The following UGT1A1 variants were observed in gnomAD, a reference collection of about 807,000 sequenced individuals.
UGT1A1 encodes the protein UDP-glucuronosyltransferase 1A1.
Under a neutral mutation model 40.6 loss-of-function variants are expected in UGT1A1, and 33 were observed. The observed-to-expected ratio is 0.81, with a 90% CI of 0.62 to 1.09. The LOEUF (loss-of-function observed/expected upper bound fraction) is 1.09, where lower values mean the gene tolerates loss of function less well. Ranked by LOEUF, UGT1A1 falls within the 50% of genes least tolerant of loss-of-function variation. The pLI, the probability that UGT1A1 is intolerant of heterozygous loss-of-function variation, is 0.00. For missense variants in UGT1A1, 694 were observed against 671.2 expected (o/e 1.03, Z -0.38); for synonymous variants, 249 against 265.0 (o/e 0.94, Z 0.59).
chr2:233,762,105 C>T (rs879435361), intron 1 of UGT1A1, among the ~76,000 whole-genome samples: 8 of 151,972 alleles, frequency 5.3e-5, no homozygotes, highest in Non-Finnish European at 1.0e-4. Flanking sequence ...GTTGATTGTC[C>T]GCTTCACATC....
rs72551343 is a variant in UGT1A1 at position 233,760,912 on chromosome 2, C to A, written c.625C>A (p.Arg209=). The A allele has an allele frequency of 6.2e-7, 1 of 1,614,188 alleles. No individual in the cohort carries two copies. The highest frequency in any genetic ancestry group is 1.1e-5 in the South Asian group (1 of 91,074). Residue 209 remains arginine, a synonymous_variant, in exon 1 of 5, where the codon CGG becomes AGG. Transcript: ENST00000305208. ...SHSDHMTFLQ[R]VKNMLIAFSQ... ...TTCAGATCACATGACCTTCCTGCAG[C>A]GGGTGAAGAACATGCTCATTGCCTT...
At chr2:233,767,542 T>C (rs1158948915) in intron 2 of UGT1A1, among the ~76,000 whole-genome samples, 1 of 152,274 alleles carries the variant, frequency 6.6e-6, no homozygotes, top group African/African-American at 2.4e-5. Context: ...TTTCTGCTCT[T>C]ATAGTTCTGC....
Position 233,769,905 on chromosome 2 carries a change from G to A in UGT1A1, c.1304+1466G>A. On this transcript the variant is annotated intron_variant, in intron 4 of 4. Coordinates refer to ENST00000305208, the MANE Select transcript of UGT1A1 (RefSeq NM_000463.3). The surrounding 1 kb of genome is among the most constrained non-coding windows in gnomAD (Gnocchi z 4.4). ...AGTCCACATAACCTGAGCATCATGTGCCCAGAGCGTTGGGTGGTGTGGTCC... is the reference window on the plus strand; with the variant it reads ...AGTCCACATAACCTGAGCATCATGTACCCAGAGCGTTGGGTGGTGTGGTCC... 1 of 322,682 alleles carries A rather than the reference G, an allele frequency of 3.1e-6. No individual in the cohort carries two copies. Among genetic ancestry groups the A allele is most frequent in the Admixed American group, 4.6e-5 (1 of 21,882 alleles). 20.0% of individuals were successfully genotyped at this position (322,682 alleles called of 1,614,324 possible).
chr2:233,765,338 A>G lies in UGT1A1; in HGVS notation c.865-1696A>G, dbSNP rs1698804627. On this transcript the variant is annotated intron_variant, in intron 1 of 4. Transcript: ENST00000305208. ...TTATTGCAGCACTATTCACAATAAC[A>G]AAGTCATGGAACCAACCCAGATGCC... Among the ~76,000 whole-genome samples the G allele has an allele frequency of 3.9e-5, 6 of 152,242 alleles. No individual in the cohort carries two copies. In the South Asian group the frequency reaches 1.0e-3, roughly 26 times the overall value.
chr2:233,765,727 T>TA (rs1026006694), intron 1 of UGT1A1, among the ~76,000 whole-genome samples: 8 of 150,756 alleles, frequency 5.3e-5, no homozygotes, highest in Non-Finnish European at 1.0e-4. Context: ...ATAATAATAA[T>TA]AATAAATAAA....
In UGT1A1 at chr2:233,769,615, T is replaced by C. The variant is rs1284239952; in HGVS notation, c.1304+1176T>C. 10 of 1,612,642 alleles carry C rather than the reference T, an allele frequency of 6.2e-6. No homozygotes were observed. The highest frequency in any genetic ancestry group is 4.5e-5 in the East Asian group (2 of 44,898). On this transcript the variant is annotated intron_variant, in intron 4 of 4. Coordinates refer to ENST00000305208, the MANE Select transcript of UGT1A1 (RefSeq NM_000463.3). This position sits in a 1 kb window ranked among gnomAD's most constrained non-coding sequence, Gnocchi z 4.4. The stretch of plus-strand genomic sequence containing the variant: ...GACGGAACACGGGGACACACCAGCT[T>C]GAGCAAGGGACAACAGGGGAGGACT...
chr2:233,772,142 A>T, intron 4 of UGT1A1, 120 bp from the exon 5 acceptor site: 1 of 1,550,154 alleles, frequency 6.5e-7, no homozygotes, highest in Non-Finnish European at 8.7e-7. Context: ...AATAATAGAA[A>T]CAGGTTTCCT....
rs2126036602 is a variant in UGT1A1 at position 233,768,050 on chromosome 2, C to G, written c.1084+114C>G. On this transcript the variant is annotated intron_variant, in intron 3 of 4. Transcript: ENST00000305208. ...TTGAAAATATTATGGCCAACATATC[C>G]TACATTGCTTTTTATCTAGTGGGGT... 3 of 1,606,318 alleles carry G rather than the reference C, an allele frequency of 1.9e-6. No individual in the cohort carries two copies. In the Middle Eastern group the frequency reaches 5.0e-4, roughly 265 times the overall value.
At position 233,760,483 on chromosome 2, in the gene UGT1A1, T is replaced by C. The variant is rs750890851; in HGVS notation, c.196T>C (p.Leu66=). The change falls in exon 1 of 5, where the codon TTG becomes CTG. Residue 66 remains leucine, a synonymous_variant. Transcript: ENST00000305208. ...AGTTGTCCTAGCACCTGACGCCTCG[T>C]TGTACATCAGAGACGGAGCATTTTA... is the stretch of plus-strand genomic sequence containing the variant. ...EIVVLAPDAS[L]YIRDGAFYTL... The C allele has an allele frequency of 6.2e-6, 10 of 1,614,116 alleles. No individual in the cohort carries two copies. In the South Asian group the frequency reaches 8.8e-5, roughly 14 times the overall value.
At chr2:233,765,432 A>G (rs926269161) in intron 1 of UGT1A1, among the ~76,000 whole-genome samples, 3 of 152,240 alleles carry the variant, frequency 2.0e-5, no homozygotes, top group Non-Finnish European at 2.9e-5. Flanking sequence ...AGCCATAACA[A>G]GGAATGAGAT....
chr2:233,762,063 T>A (rs1697956062), intron 1 of UGT1A1, among the ~76,000 whole-genome samples: 1 of 152,180 alleles, frequency 6.6e-6, no homozygotes, highest in Non-Finnish European at 1.5e-5. Flanking sequence ...TCATAGCACA[T>A]CAAATATGGC....
rs778641747 is a variant in UGT1A1 at position 233,768,443 on chromosome 2, A to G, written c.1304+4A>G. 8.1e-6 allele frequency: 13 copies of G among 1,613,284 alleles called. No homozygotes were observed. In the South Asian group the frequency reaches 1.4e-4, roughly 18 times the overall value. On this transcript the variant is annotated splice_donor_region_variant and intron_variant, in intron 4 of 4. Transcript: ENST00000305208. Reference sequence around the variant, plus strand: ...AAGCAGTCATCAATGACAAAAGGTAAGAAAGAAGATACAGAAGAATACTTT... The same window carrying G: ...AAGCAGTCATCAATGACAAAAGGTAGGAAAGAAGATACAGAAGAATACTTT...
chr2:233,769,742 C>A lies in UGT1A1; in HGVS notation c.1304+1303C>A, dbSNP rs2126047976. 6.9e-7 allele frequency: 1 copy of A among 1,450,742 alleles called. No individual in the cohort carries two copies. Among genetic ancestry groups the A allele is most frequent in the Non-Finnish European group, 9.1e-7 (1 of 1,100,114 alleles). The allele number at this position is 1,450,742 out of a possible 1,614,324, so 89.9% of individuals were successfully genotyped here. ...CCATGGCACACGCCTGTAGTCCCAG[C>A]CACTCTGGAGGCTAAGGCGGGAGGA... On this transcript the variant is annotated intron_variant, in intron 4 of 4. Coordinates refer to ENST00000305208, the MANE Select transcript of UGT1A1 (RefSeq NM_000463.3). This position sits in a 1 kb window ranked among gnomAD's most constrained non-coding sequence, Gnocchi z 4.4.
intron 2 of UGT1A1, 151 bp downstream of exon 2, chr2:233,767,316 TG>T: frequency 6.7e-7 from 1 of 1,493,284 alleles, no homozygotes; most frequent in Non-Finnish European, 8.8e-7. Flanking sequence ...TTTTTTTTGT[TG>T]TTGTGGTTGT....
Position 233,767,071 on chromosome 2 carries a change from G to C in UGT1A1, c.902G>C (p.Gly301Ala). 1 of 1,614,098 alleles carries C rather than the reference G, an allele frequency of 6.2e-7. No homozygotes were observed. The highest frequency in any genetic ancestry group is 8.5e-7 in the Non-Finnish European group (1 of 1,180,012). ...TACATTAATGCTTCTGGAGAACATG[G>C]AATTGTGGTTTTCTCTTTGGGATCA... The part of the protein sequence containing the change: ...EAYINASGEH[G>A]IVVFSLGSMV... The change falls in exon 2 of 5, where the codon GGA (glycine) becomes GCA (alanine). Residue 301 changes from glycine (G) to alanine (A), a missense_variant. Gly to Ala is a moderately conservative substitution (Grantham distance 60). Coordinates refer to ENST00000305208, the MANE Select transcript of UGT1A1 (RefSeq NM_000463.3).
rs755218546 is a variant in UGT1A1 at position 233,767,936 on chromosome 2, G to A, written c.1084G>A (p.Gly362Ser). The A allele has an allele frequency of 2.4e-5, 38 of 1,614,052 alleles. No homozygotes were observed. In the South Asian group the frequency reaches 4.2e-4, roughly 18 times the overall value. Residue 362 changes from glycine (G) to serine (S), a missense_variant and splice_region_variant, in exon 3 of 5, where the codon GGT becomes AGT. Coordinates refer to ENST00000305208, the MANE Select transcript of UGT1A1 (RefSeq NM_000463.3). ...GTGGCTACCCCAAAACGATCTGCTT[G>A]GTATGTTGGGCGGATTGGATGTATA... ...VKWLPQNDLL[G>S]HPMTRAFITH...
At position 233,768,314 on chromosome 2, in the gene UGT1A1, G is replaced by T. The variant is rs1430980091; in HGVS notation, c.1179G>T (p.Leu393Phe). The T allele has an allele frequency of 6.2e-7, 1 of 1,614,062 alleles. No individual in the cohort carries two copies. The highest frequency in any genetic ancestry group is 8.5e-7 in the Non-Finnish European group (1 of 1,180,048). Residue 393 changes from leucine (L) to phenylalanine (F), a missense_variant, in exon 4 of 5, where the codon TTG becomes TTT. Leu to Phe is a conservative substitution (Grantham distance 22). Transcript: ENST00000305208. ...CNGVPMVMMP[L>F]FGDQMDNAKR... is the part of the protein sequence containing the mutation. ...GCGTTCCCATGGTGATGATGCCCTT[G>T]TTTGGTGATCAGATGGACAATGCAA...
Position 233,761,154 on chromosome 2 carries a change from G to A in UGT1A1, c.864+3G>A, listed in dbSNP as rs1374366123. ...TTCACCAAAATCCACTATCCCAGGTGTGTATTGGAGTGGGACTTTTACATG... is the reference window on the plus strand; with the variant it reads ...TTCACCAAAATCCACTATCCCAGGTATGTATTGGAGTGGGACTTTTACATG... On this transcript the variant is annotated splice_donor_region_variant and intron_variant, in intron 1 of 4. Transcript: ENST00000305208. 1 of 1,614,240 alleles carries A rather than the reference G, an allele frequency of 6.2e-7. No homozygotes were observed. Among genetic ancestry groups the A allele is most frequent in the East Asian group, 2.2e-5 (1 of 44,894 alleles).
intron 1 of UGT1A1, among the ~76,000 whole-genome samples, chr2:233,761,761 G>A (rs990120638): frequency 6.6e-6 from 1 of 152,174 alleles, no homozygotes; most frequent in African/African-American, 2.4e-5. Flanking sequence ...TATGCAAAAA[G>A]TAGCATTCAC....
Sources: gnomAD v4.1 joint callset for allele counts (sites outside exome capture counted in the v4.1 genomes callset) on GRCh38, gnomAD v4.1.1 for gene constraint, Gnocchi (gnomAD v3.1) non-coding constraint, MANE v1.5 for transcripts, NCBI Gene and HGNC (gene_info 2026-07-23, HGNC 2026-07-21) for gene names.